GRAP2: variants seen among roughly 807,000 people sequenced by gnomAD.
The protein encoded by GRAP2 is GRB2 related adaptor protein 2.
Under a neutral mutation model 43.5 loss-of-function variants are expected in GRAP2, and 31 were observed. The ratio of observed to expected loss-of-function variants is 0.71; its 90% CI spans 0.54 to 0.96. The LOEUF (loss-of-function observed/expected upper bound fraction) is 0.96. Among genes scored for constraint, GRAP2 ranks in the 40% least tolerant of loss-of-function variants. The pLI is 0.00. For missense variants in GRAP2, 371 were observed against 424.4 expected, an observed-to-expected ratio of 0.87 and a Z score of 1.11; for synonymous variants, 156 against 164.8, an observed-to-expected ratio of 0.95 and a Z score of 0.41.
At chr22:39,950,472 C>T (rs545986230) in intron 2 of GRAP2, among the ~76,000 whole-genome samples, 16 of 152,348 alleles carry the variant, frequency 1.1e-4, no homozygotes, top group Admixed American at 9.8e-4. Flanking sequence ...GTTTCTGCCT[C>T]AATGTCTAGA....
chr22:39,971,139 AGG>A lies in GRAP2; in HGVS notation c.*56_*57del. The A allele has an allele frequency of 1.3e-5, 18 of 1,376,708 alleles. No individual in the cohort carries two copies. Among genetic ancestry groups the A allele is most frequent in the Admixed American group, 1.2e-4 (6 of 48,872 alleles). 85.3% of individuals were successfully genotyped at this position (1,376,708 alleles called of 1,614,324 possible). ...GGAGCTGCCCACAAGAAAGAGGGCAAGGAAAAAAGGCTGGACTCCATGACTAT... is the reference window on the plus strand; with the variant it reads ...GGAGCTGCCCACAAGAAAGAGGGCAAAAAAAAGGCTGGACTCCATGACTAT... On this transcript the variant is annotated 3_prime_UTR_variant, in exon 8 of 8. Transcript: ENST00000344138.
upstream of GRAP2, among the ~76,000 whole-genome samples, chr22:39,900,323 C>T (rs2066485654): frequency 6.6e-6 from 1 of 152,192 alleles, no homozygotes; most frequent in South Asian, 2.1e-4. Flanking sequence ...TTTCCCTCCT[C>T]ATCTTGGATC....
At position 39,935,537 on chromosome 22, in the gene GRAP2, A is replaced by T. The variant is rs988347585; in HGVS notation, c.-14-11556A>T. Among the ~76,000 whole-genome samples, 5 of 152,364 alleles carry T rather than the reference A, an allele frequency of 3.3e-5. No individual in the cohort carries two copies. In the South Asian group the frequency reaches 1.0e-3, roughly 32 times the overall value. On this transcript the variant is annotated intron_variant, in intron 1 of 7. Transcript: ENST00000344138. ...CCCAAAAATAAGAATATTATAATTC[A>T]TTTGATGAAAGGAATTTGCCATATT...
chr22:39,963,322 C>G (rs2067138123), intron 4 of GRAP2, among the ~76,000 whole-genome samples: 1 of 152,162 alleles, frequency 6.6e-6, no homozygotes, highest in Admixed American at 6.5e-5. Context: ...GCCATCCTCT[C>G]CTTGTAGACC....
chr22:39,918,574 TGTGTGAGCAAGCA>T (rs1488514748), intron 1 of GRAP2, among the ~76,000 whole-genome samples: 1 of 152,242 alleles, frequency 6.6e-6, no homozygotes, highest in Non-Finnish European at 1.5e-5. Flanking sequence ...TTGTCATAGC[TGTGTGAGCAAGCA>T]GAGTCTTGTT....
At chr22:39,917,536 C>G (rs773012040) in intron 1 of GRAP2, among the ~76,000 whole-genome samples, 16 of 152,186 alleles carry the variant, frequency 1.1e-4, no homozygotes, top group Admixed American at 5.2e-4. Context: ...TACAAAACCA[C>G]TTGTATTCTT....
intron 4 of GRAP2, among the ~76,000 whole-genome samples, chr22:39,962,413 A>G (rs2067129012): frequency 6.6e-6 from 1 of 152,188 alleles, no homozygotes; most frequent in Non-Finnish European, 1.5e-5. Context: ...TGACAGAGCA[A>G]GACCCTGTCT....
chr22:39,901,251 G>C lies in GRAP2; in HGVS notation c.-94G>C, dbSNP rs1157084739. On this transcript the variant is annotated 5_prime_UTR_variant, in exon 1 of 8. Coordinates refer to ENST00000344138, the MANE Select transcript of GRAP2 (RefSeq NM_004810.4). ...TGCAGTAACTCTGATGCTTGAATTTGTCTCCCTTCTTGCCAGAAAGGATTC... is the reference window on the plus strand; with the variant it reads ...TGCAGTAACTCTGATGCTTGAATTTCTCTCCCTTCTTGCCAGAAAGGATTC... 7.9e-6 allele frequency: 10 copies of C among 1,270,294 alleles called. No individual in the cohort carries two copies. The highest frequency in any genetic ancestry group is 9.3e-6 in the Non-Finnish European group (9 of 971,518). 78.7% of individuals were successfully genotyped at this position (1,270,294 alleles called of 1,614,324 possible). A position where few individuals can be genotyped will look rare whatever the true frequency, so the allele number is the denominator to read the frequency against.
intron 1 of GRAP2, among the ~76,000 whole-genome samples, chr22:39,931,495 G>A (rs1256235371): frequency 6.6e-6 from 1 of 152,206 alleles, no homozygotes; most frequent in Non-Finnish European, 1.5e-5. Flanking sequence ...GGTATTATAA[G>A]CCAATTCAAG....
At chr22:39,968,943 T>C (rs1296382765) in intron 6 of GRAP2, among the ~76,000 whole-genome samples, 3 of 152,248 alleles carry the variant, frequency 2.0e-5, no homozygotes, top group Middle Eastern at 3.2e-3. Flanking sequence ...CTGATCTCTC[T>C]GCCTGATGAG....
At chr22:39,922,628 G>A (rs2066662549) in intron 1 of GRAP2, among the ~76,000 whole-genome samples, 1 of 152,192 alleles carries the variant, frequency 6.6e-6, no homozygotes. Flanking sequence ...GAAGCAATGA[G>A]GAGGGGAGAA....
At chr22:39,959,642 G>T (rs1298304209) in intron 3 of GRAP2, among the ~76,000 whole-genome samples, 1 of 152,134 alleles carries the variant, frequency 6.6e-6, no homozygotes, top group Non-Finnish European at 1.5e-5. Context: ...GGCTGCACCT[G>T]GTTGGCTCCA....
chr22:39,951,397 T>C (rs1012068987), intron 2 of GRAP2, among the ~76,000 whole-genome samples: 2 of 152,232 alleles, frequency 1.3e-5, no homozygotes, highest in African/African-American at 4.8e-5. Flanking sequence ...CATTTCTTCC[T>C]GCTAAAATAG....
chr22:39,964,375 A>G lies in GRAP2; in HGVS notation c.291-1615A>G, dbSNP rs563156060. On this transcript the variant is annotated intron_variant, in intron 4 of 7. Transcript: ENST00000344138. The stretch of plus-strand genomic sequence containing the variant: ...GTCTGGGGAAGGGGCGGCAGGCGCC[A>G]TGTCCAGCCACGAAGGTGGCAAGAA... 1.9e-4 allele frequency: 143 copies of G among 734,448 alleles called. 3 individuals carry two copies. The highest frequency in any genetic ancestry group is 1.4e-3 in the Middle Eastern group (4 of 2,820). 45.5% of individuals were successfully genotyped at this position (734,448 alleles called of 1,614,324 possible). A position where few individuals can be genotyped will look rare whatever the true frequency, so the allele number is the denominator to read the frequency against.
At chr22:39,903,791 T>C (rs1470844052) in intron 1 of GRAP2, among the ~76,000 whole-genome samples, 1 of 152,116 alleles carries the variant, frequency 6.6e-6, no homozygotes, top group Non-Finnish European at 1.5e-5. Flanking sequence ...CTTTCTTTTC[T>C]CTTAAAAATT....
At chr22:39,943,712 TTTTC>T (rs1263720369) in intron 1 of GRAP2, among the ~76,000 whole-genome samples, 2 of 151,020 alleles carry the variant, frequency 1.3e-5, no homozygotes, top group African/African-American at 4.9e-5. Flanking sequence ...GGGGCCTCTC[TTTTC>T]TTTCTTTTTT....
rs1010037845 is a variant in GRAP2, at chr22:39,972,244, G to C, written c.*1160G>C. 10 of 152,492 alleles carry C rather than the reference G, an allele frequency of 6.6e-5. No homozygotes were observed. Among genetic ancestry groups the C allele is most frequent in the African/African-American group, 2.4e-4 (10 of 41,480 alleles). 9.4% of individuals were successfully genotyped at this position (152,492 alleles called of 1,614,324 possible). A position where few individuals can be genotyped will look rare whatever the true frequency, so the allele number is the denominator to read the frequency against. On this transcript the variant is annotated 3_prime_UTR_variant, in exon 8 of 8. Transcript: ENST00000344138. The stretch of plus-strand genomic sequence containing the variant: ...GCTCACTCTGGAGGTGCACAGCACA[G>C]GTCAGCCTGGCCAGGGGCGAAGGAG...
At chr22:39,966,212 C>T in intron 5 of GRAP2, 54 bp downstream of exon 5, 1 of 1,420,230 alleles carries the variant, frequency 7.0e-7, no homozygotes, top group Non-Finnish European at 9.9e-7. Flanking sequence ...AGCCTGAGTT[C>T]TCACATGAAC....
Position 39,973,148 on chromosome 22 carries a change from A to G in GRAP2, c.*2064A>G, listed in dbSNP as rs1490678329. 6.6e-6 allele frequency: 1 copy of G among 152,362 alleles called. No individual in the cohort carries two copies. The highest frequency in any genetic ancestry group is 1.5e-5 in the Non-Finnish European group (1 of 68,050). The allele number at this position is 152,362 out of a possible 1,614,324, so 9.4% of individuals were successfully genotyped here. On this transcript the variant is annotated 3_prime_UTR_variant, in exon 8 of 8. Coordinates refer to ENST00000344138, the MANE Select transcript of GRAP2 (RefSeq NM_004810.4). The stretch of plus-strand genomic sequence containing the variant: ...TGAAATGCTGCAGTAAATAAAAGCC[A>G]TAAGTAATGTTTGATTTTACAGTAT...
Sources: gnomAD v4.1 joint callset for allele counts (sites outside exome capture counted in the v4.1 genomes callset) on GRCh38, gnomAD v4.1.1 for gene constraint, MANE v1.5 for transcripts, NCBI Gene and HGNC (gene_info 2026-07-23, HGNC 2026-07-21) for gene names.